Variants in FBXL2 observed in about 807,000 individuals in gnomAD.
The protein encoded by FBXL2 is F-box and leucine rich repeat protein 2, also known as F-box/LRR-repeat protein 2.
A neutral mutation model predicts 69.2 loss-of-function variants in FBXL2; 38 were observed. That is an observed-to-expected ratio of 0.55 (90% CI 0.42 to 0.72). The LOEUF is 0.72. Among genes scored for constraint, FBXL2 ranks in the 30% least tolerant of loss-of-function variants. The pLI is 0.00. For missense variants in FBXL2, 354 were observed against 520.3 expected (o/e 0.68, Z 3.11); for synonymous variants, 192 against 201.3 (o/e 0.95, Z 0.39).
At chr3:33,394,416 T>C (rs2043887423) in intron 12 of FBXL2, among the ~76,000 whole-genome samples, 1 of 152,086 alleles carries the variant, frequency 6.6e-6, no homozygotes. Context: ...GCTATCTGTA[T>C]ATGCCCCTCC....
At chr3:33,295,030 T>C (rs1331301870) in intron 1 of FBXL2, among the ~76,000 whole-genome samples, 1 of 152,194 alleles carries the variant, frequency 6.6e-6, no homozygotes, top group African/African-American at 2.4e-5. Flanking sequence ...AAATGTAAGT[T>C]ACTATTTATG....
chr3:33,312,682 CTTAT>C (rs1453730428), intron 2 of FBXL2, among the ~76,000 whole-genome samples: 1 of 152,018 alleles, frequency 6.6e-6, no homozygotes, highest in Non-Finnish European at 1.5e-5. Flanking sequence ...CTCTTTAACG[CTTAT>C]TTAACTTATT....
chr3:33,386,842 G>A lies in FBXL2; in HGVS notation c.*1234G>A, dbSNP rs891669590. 1 of 152,180 alleles carries A rather than the reference G, an allele frequency of 6.6e-6. No individual in the cohort carries two copies. The highest frequency in any genetic ancestry group is 1.9e-4 in the East Asian group (1 of 5,184). 9.4% of individuals were successfully genotyped at this position (152,180 alleles called of 1,614,324 possible). A position where few individuals can be genotyped will look rare whatever the true frequency, so the allele number is the denominator to read the frequency against. The stretch of plus-strand genomic sequence containing the variant: ...CATCACCACCTTCATTGTAAACTTA[G>A]GTGTTCATGGTGGCTGGCCCTTCCA... On this transcript the variant is annotated 3_prime_UTR_variant, in exon 15 of 15. Transcript: ENST00000484457.
At chr3:33,321,355 T>C (rs1305159825) in intron 2 of FBXL2, among the ~76,000 whole-genome samples, 1 of 145,824 alleles carries the variant, frequency 6.9e-6, no homozygotes. Context: ...AAAAGAAAAA[T>C]GTGCAAAAAG....
intron 1 of FBXL2, among the ~76,000 whole-genome samples, chr3:33,295,223 C>G (rs547084675): frequency 6.6e-6 from 1 of 152,270 alleles, no homozygotes; most frequent in African/African-American, 2.4e-5. Context: ...TTTTTTCATA[C>G]CTTCAAAAGA....
intron 1 of FBXL2, chr3:33,278,318 T>C (rs1246071112): frequency 1.3e-5 from 2 of 152,206 alleles, no homozygotes; most frequent in African/African-American, 4.8e-5. Flanking sequence ...TCCAGAGGCC[T>C]TCACGGGGTG....
intron 2 of FBXL2, among the ~76,000 whole-genome samples, chr3:33,327,377 C>T (rs578173967): frequency 2.6e-5 from 4 of 151,994 alleles, no homozygotes; most frequent in Admixed American, 1.3e-4. Context: ...TTCCTCTATA[C>T]GTTATTGCTT....
At chr3:33,402,867 T>C (rs202068925) in intron 12 of FBXL2, 68 of 1,610,712 alleles carry the variant, frequency 4.2e-5, no homozygotes, top group Non-Finnish European at 5.2e-5. Flanking sequence ...AGGGCTGTTA[T>C]TCACATAGGC....
chr3:33,347,039 C>G (rs1414388924), intron 2 of FBXL2, among the ~76,000 whole-genome samples: 1 of 152,132 alleles, frequency 6.6e-6, no homozygotes, highest in Non-Finnish European at 1.5e-5. Flanking sequence ...GTTGTGCTAT[C>G]AAATACTAGG....
intron 12 of FBXL2, chr3:33,397,594 T>C (rs1368118606): frequency 6.6e-6 from 1 of 152,474 alleles, no homozygotes; most frequent in Non-Finnish European, 1.5e-5. Flanking sequence ...TAAGAGTTGG[T>C]AGCCGAACTA....
chr3:33,383,734 G>GT, intron 13 of FBXL2: 1 of 461,836 alleles, frequency 2.2e-6, no homozygotes, highest in Non-Finnish European at 4.0e-6. Flanking sequence ...CCAAGGCTTT[G>GT]TGTTTGGTCC....
intron 1 of FBXL2, chr3:33,289,639 T>C (rs2035025705): frequency 2.7e-6 from 1 of 376,816 alleles, no homozygotes; most frequent in African/African-American, 2.2e-5. Context: ...TGACTGCACA[T>C]AGGCTGGAGT....
At chr3:33,348,121 C>A (rs913173437) in intron 2 of FBXL2, among the ~76,000 whole-genome samples, 1 of 152,124 alleles carries the variant, frequency 6.6e-6, no homozygotes, top group African/African-American at 2.4e-5. Context: ...GGAGCATTTC[C>A]CCCAATGCTT....
chr3:33,360,572 G>A (rs2041539953), intron 4 of FBXL2, among the ~76,000 whole-genome samples: 1 of 152,156 alleles, frequency 6.6e-6, no homozygotes, highest in African/African-American at 2.4e-5. Flanking sequence ...CTAGTTCCTG[G>A]CTTAACACTG....
At chr3:33,339,387 A>T (rs986777302) in intron 2 of FBXL2, among the ~76,000 whole-genome samples, 2 of 152,202 alleles carry the variant, frequency 1.3e-5, no homozygotes, top group Admixed American at 1.3e-4. Context: ...AACAACTTAA[A>T]ACAGAACTAC....
intron 2 of FBXL2, among the ~76,000 whole-genome samples, chr3:33,335,809 C>T (rs1177408735): frequency 6.6e-6 from 1 of 152,122 alleles, no homozygotes; most frequent in African/African-American, 2.4e-5. Flanking sequence ...GAGTCTAACA[C>T]TCCTATTAAA....
chr3:33,389,989 T>A, downstream of FBXL2: 1 of 242,580 alleles, frequency 4.1e-6, no homozygotes, highest in Non-Finnish European at 8.0e-6. Context: ...GTTTCTACAT[T>A]CATTTCCAAA....
At chr3:33,346,576 G>A (rs1490539483) in intron 2 of FBXL2, among the ~76,000 whole-genome samples, 1 of 151,830 alleles carries the variant, frequency 6.6e-6, no homozygotes, top group Admixed American at 6.6e-5. Flanking sequence ...AAATAAATAA[G>A]TAAATAAATA....
At chr3:33,320,626 G>A (rs567383564) in intron 2 of FBXL2, among the ~76,000 whole-genome samples, 107 of 151,966 alleles carry the variant, frequency 7.0e-4, no homozygotes, top group African/African-American at 2.4e-3. Flanking sequence ...GACTACAGGC[G>A]TGCACGACCA....
Sources: gnomAD v4.1 joint callset for allele counts (sites outside exome capture counted in the v4.1 genomes callset) on GRCh38, gnomAD v4.1.1 for gene constraint, MANE v1.5 for transcripts, NCBI Gene and HGNC (gene_info 2026-07-23, HGNC 2026-07-21) for gene names.